The following ANKRD30BL variants were observed in gnomAD, a reference collection of about 807,000 sequenced individuals.
The protein encoded by ANKRD30BL is ankyrin repeat domain 30B like, also known as putative ankyrin repeat domain-containing protein 30B-like.
A neutral mutation model predicts 18.4 loss-of-function variants in ANKRD30BL; 20 were observed. That is an observed-to-expected ratio of 1.09 (90% CI 0.77 to 1.58). The LOEUF is 1.58. Among genes scored for constraint, ANKRD30BL ranks in the 40% most tolerant of loss-of-function variants. The probability of loss-of-function intolerance (pLI) is 0.00; values close to 1 mark genes in which losing one functional copy is unlikely to be tolerated. For synonymous variants in ANKRD30BL, 72 were observed against 100.9 expected, an observed-to-expected ratio of 0.71 and a Z score of 1.72; for missense variants, 224 against 268.6, an observed-to-expected ratio of 0.83 and a Z score of 1.16.
chr2:132,214,789 T>G (rs931208113), intron 1 of ANKRD30BL, among the ~76,000 whole-genome samples: 1 of 151,850 alleles, frequency 6.6e-6, no homozygotes, highest in African/African-American at 2.4e-5. Flanking sequence ...TTTGTTGATC[T>G]GCAAGTGGAC....
intron 1 of ANKRD30BL, among the ~76,000 whole-genome samples, chr2:132,192,364 A>G (rs1384975268): frequency 6.6e-6 from 1 of 152,090 alleles, no homozygotes; most frequent in East Asian, 1.9e-4. Context: ...GCAGTGTGGC[A>G]CACATGGCAA....
intron 1 of ANKRD30BL, among the ~76,000 whole-genome samples, chr2:132,248,041 G>A (rs1349265715): frequency 1.3e-5 from 2 of 151,908 alleles, no homozygotes; most frequent in African/African-American, 4.8e-5. Flanking sequence ...TCTGATCAAG[G>A]AATGGACATC....
At chr2:132,187,156 T>C (rs927335180) in intron 1 of ANKRD30BL, among the ~76,000 whole-genome samples, 2 of 150,572 alleles carry the variant, frequency 1.3e-5, no homozygotes, top group African/African-American at 4.9e-5. Context: ...TAATCATGCA[T>C]CGTAGGAAGT....
At chr2:132,150,235 C>T (rs1317104199) in intron 5 of ANKRD30BL, among the ~76,000 whole-genome samples, 1 of 149,558 alleles carries the variant, frequency 6.7e-6, no homozygotes, top group Non-Finnish European at 1.5e-5. Flanking sequence ...AAGAAACAAA[C>T]AAATAAATAA....
intron 3 of ANKRD30BL, chr2:132,156,582 G>T (rs1687913050): frequency 6.5e-6 from 1 of 153,622 alleles, no homozygotes; most frequent in South Asian, 2.0e-4. Context: ...GGGCTCAAAA[G>T]ACACAAGATT....
chr2:132,171,154 CA>C (rs34972551), intron 1 of ANKRD30BL, among the ~76,000 whole-genome samples: 82 of 120,582 alleles, frequency 6.8e-4, no homozygotes, highest in Non-Finnish European at 6.3e-4. Flanking sequence ...GACTCTGTCT[CA>C]AAAAAAAAAA....
intron 1 of ANKRD30BL, among the ~76,000 whole-genome samples, chr2:132,181,518 T>C (rs1428952932): frequency 4.6e-5 from 7 of 151,172 alleles, no homozygotes; most frequent in Non-Finnish European, 8.8e-5. Context: ...AAAACAATCA[T>C]AGAGATTCCC....
intron 1 of ANKRD30BL, among the ~76,000 whole-genome samples, chr2:132,192,182 A>G (rs1252420566): frequency 2.0e-5 from 3 of 152,376 alleles, no homozygotes; most frequent in South Asian, 4.1e-4. Flanking sequence ...CCTAAGCAAC[A>G]TAACACAAGT....
intron 1 of ANKRD30BL, among the ~76,000 whole-genome samples, chr2:132,219,196 T>A (rs941355424): frequency 2.0e-5 from 3 of 151,736 alleles, no homozygotes; most frequent in Non-Finnish European, 4.4e-5. Context: ...TGATGTTTGC[T>A]TTCAACTCAC....
At chr2:132,223,376 T>G (rs113135542) in intron 1 of ANKRD30BL, among the ~76,000 whole-genome samples, 1 of 152,000 alleles carries the variant, frequency 6.6e-6, no homozygotes, top group African/African-American at 2.4e-5. Flanking sequence ...AGAGCAGGTT[T>G]GAAACACTCT....
intron 1 of ANKRD30BL, among the ~76,000 whole-genome samples, chr2:132,205,889 A>G (rs903431738): frequency 2.0e-5 from 3 of 151,574 alleles, no homozygotes; most frequent in Non-Finnish European, 1.5e-5. Context: ...GGCTGGGCAC[A>G]GTGGCTCATG....
chr2:132,175,024 AG>A (rs1688337733), intron 1 of ANKRD30BL, among the ~76,000 whole-genome samples: 1 of 152,152 alleles, frequency 6.6e-6, no homozygotes, highest in African/African-American at 2.4e-5. Flanking sequence ...GAAAATATGA[AG>A]GGGTGGCCAG....
intron 1 of ANKRD30BL, among the ~76,000 whole-genome samples, chr2:132,245,152 T>C (rs867118915): frequency 0.1 from 21 of 206 alleles, no homozygotes; most frequent in Middle Eastern, 0.25. Context: ...TTGATGTGTG[T>C]TTTCAACTCA....
At chr2:132,257,317 A>G (rs911515612) in intron 1 of ANKRD30BL, among the ~76,000 whole-genome samples, 20 of 152,244 alleles carry the variant, frequency 1.3e-4, no homozygotes, top group Non-Finnish European at 2.6e-4. Flanking sequence ...GAGCGGGCAG[A>G]GAGCCGGCTC....
intron 1 of ANKRD30BL, among the ~76,000 whole-genome samples, chr2:132,160,583 C>T (rs1308975006): frequency 2.0e-5 from 3 of 151,610 alleles, no homozygotes; most frequent in Non-Finnish European, 2.9e-5. Flanking sequence ...GGACTACAGG[C>T]GCCCACCACC....
At chr2:132,253,431 T>TTGG (rs1680721094) in intron 1 of ANKRD30BL, 1 of 151,506 alleles carries the variant, frequency 6.6e-6, no homozygotes, top group South Asian at 2.1e-4. Context: ...CAGAGAGGGG[T>TTGG]TGGAAGGTTT....
chr2:132,230,184 G>C (rs555850324), intron 1 of ANKRD30BL, among the ~76,000 whole-genome samples: 2 of 152,186 alleles, frequency 1.3e-5, no homozygotes, highest in South Asian at 2.1e-4. Context: ...TGTGATGTTT[G>C]TCTTCAACTC....
chr2:132,166,504 T>A (rs1339116476), upstream of ANKRD30BL, among the ~76,000 whole-genome samples: 1 of 152,150 alleles, frequency 6.6e-6, no homozygotes, highest in African/African-American at 2.4e-5. Context: ...TGTTATCTAT[T>A]TTTTCTTTTG....
At chr2:132,156,162 T>A (rs1312568556) in intron 3 of ANKRD30BL, 3 of 150,612 alleles carry the variant, frequency 2.0e-5, no homozygotes, top group Non-Finnish European at 3.0e-5. Context: ...TAAGGGACAA[T>A]TCTGTGGAGA....
Sources: gnomAD v4.1 joint callset for allele counts (sites outside exome capture counted in the v4.1 genomes callset) on GRCh38, gnomAD v4.1.1 for gene constraint, MANE v1.5 for transcripts, NCBI Gene and HGNC (gene_info 2026-07-23, HGNC 2026-07-21) for gene names.